Variants in TVP23B observed in about 807,000 individuals in gnomAD.
The protein encoded by TVP23B is Golgi apparatus membrane protein TVP23 homolog B.
TVP23B carries 10 observed loss-of-function variants against 30.6 expected under a neutral mutation model. The ratio of observed to expected loss-of-function variants is 0.33; its 90% confidence interval spans 0.20 to 0.55. The LOEUF (loss-of-function observed/expected upper bound fraction) is 0.55, where lower values mean the gene tolerates loss of function less well. Ranked by LOEUF, TVP23B falls within the 20% of genes least tolerant of loss-of-function variation. The pLI is 0.91. For missense variants in TVP23B, 153 were observed against 243.2 expected, an observed-to-expected ratio of 0.63 and a Z score of 2.47; for synonymous variants, 67 against 83.1, an observed-to-expected ratio of 0.81 and a Z score of 1.06.
chr17:18,789,190 C>T (rs1218533288), intron 1 of TVP23B, 163 bp from the exon 2 acceptor site: 17 of 1,077,750 alleles, frequency 1.6e-5, no homozygotes, highest in African/African-American at 6.4e-5. Context: ...TTTGAGGAGG[C>T]GGGTGGAGGA....
At chr17:18,784,972 A>T (rs184949439) in intron 1 of TVP23B, among the ~76,000 whole-genome samples, 1 of 152,194 alleles carries the variant, frequency 6.6e-6, no homozygotes, top group Non-Finnish European at 1.5e-5. Flanking sequence ...CAGTCAGTCC[A>T]TCAGCAAATC....
At position 18,805,596 on chromosome 17, in the gene TVP23B, T is replaced by C. The variant is rs1279678270; in HGVS notation, c.*29T>C. ...GAGAAAGCTTATGTGCTTTGTTACATTGGGGAACAACTGAAGAGATTCTTG... is the reference window on the plus strand; with the variant it reads ...GAGAAAGCTTATGTGCTTTGTTACACTGGGGAACAACTGAAGAGATTCTTG... On this transcript the variant is annotated 3_prime_UTR_variant, in exon 7 of 7. Coordinates refer to ENST00000307767, the MANE Select transcript of TVP23B (RefSeq NM_016078.6). 3 of 1,603,550 alleles carry C rather than the reference T, an allele frequency of 1.9e-6. No homozygotes were observed. Among genetic ancestry groups the C allele is most frequent in the East Asian group, 2.2e-5 (1 of 44,760 alleles).
intron 1 of TVP23B, among the ~76,000 whole-genome samples, chr17:18,785,326 T>C (rs1004744837): frequency 1.3e-5 from 2 of 152,266 alleles, no homozygotes; most frequent in East Asian, 3.9e-4. Flanking sequence ...CGAAATCTTT[T>C]GTGTCCGTGG....
At chr17:18,795,465 G>C (rs1266004168) in intron 3 of TVP23B, among the ~76,000 whole-genome samples, 6 of 152,016 alleles carry the variant, frequency 3.9e-5, no homozygotes, top group Non-Finnish European at 5.9e-5. Flanking sequence ...TAAATCCATA[G>C]ATTGTACTTT....
chr17:18,804,105 A>G (rs781494149), intron 5 of TVP23B, 33 bp from the exon 6 acceptor site: 2 of 1,611,684 alleles, frequency 1.2e-6, no homozygotes, highest in Non-Finnish European at 8.5e-7. Context: ...ATTTCAGGCC[A>G]GTAACCATTG....
At chr17:18,802,168 G>A (rs2036178155) in intron 5 of TVP23B, among the ~76,000 whole-genome samples, 1 of 152,152 alleles carries the variant, frequency 6.6e-6, no homozygotes, top group Non-Finnish European at 1.5e-5. Context: ...TTTGCAGTGA[G>A]CCAAGATCGT....
chr17:18,781,448 A>C, intron 1 of TVP23B, 143 bp downstream of exon 1: 1 of 1,437,430 alleles, frequency 7.0e-7, no homozygotes, highest in Non-Finnish European at 9.3e-7. Flanking sequence ...GGCTGTGGGT[A>C]GTTGTCTGAG....
chr17:18,793,443 TA>T (rs67506831), intron 3 of TVP23B, among the ~76,000 whole-genome samples: 32,498 of 100,230 alleles, frequency 0.32, 4,377 homozygotes, highest in East Asian at 0.55. Flanking sequence ...CCATCTCTGC[TA>T]AAAAAAAAAA....
At chr17:18,784,320 G>C (rs2035867111) in intron 1 of TVP23B, among the ~76,000 whole-genome samples, 4 of 152,078 alleles carry the variant, frequency 2.6e-5, no homozygotes. Flanking sequence ...TACTGGAACT[G>C]CTCTTACTGA....
chr17:18,793,468 AG>A (rs2036028221), intron 3 of TVP23B, among the ~76,000 whole-genome samples: 2 of 145,744 alleles, frequency 1.4e-5, no homozygotes, highest in Admixed American at 6.9e-5. Flanking sequence ...AAAAAAAATG[AG>A]CCGGGCGTGG....
At chr17:18,795,925 T>C (rs1272154823) in intron 3 of TVP23B, 2 of 151,396 alleles carry the variant, frequency 1.3e-5, no homozygotes, top group Non-Finnish European at 2.9e-5. Flanking sequence ...GGAAAAAATA[T>C]AGCATATATA....
At chr17:18,784,809 T>C (rs2035874688) in intron 1 of TVP23B, among the ~76,000 whole-genome samples, 1 of 152,202 alleles carries the variant, frequency 6.6e-6, no homozygotes, top group South Asian at 2.1e-4. Context: ...TACTTCTTTT[T>C]CAGTCCCCAC....
chr17:18,789,340 T>G lies in TVP23B; in HGVS notation c.13-13T>G. ...TTTTGTTTTGCTTCTTGACCATTTATTTTTCCTACCAGGATAGTAATGATG... is the reference window on the plus strand; with the variant it reads ...TTTTGTTTTGCTTCTTGACCATTTAGTTTTCCTACCAGGATAGTAATGATG... On this transcript the variant is annotated splice_polypyrimidine_tract_variant and intron_variant, in intron 1 of 6. Transcript: ENST00000307767. 6.2e-7 allele frequency: 1 copy of G among 1,613,998 alleles called. No individual in the cohort carries two copies. The highest frequency in any genetic ancestry group is 8.5e-7 in the Non-Finnish European group (1 of 1,179,854).
intron 5 of TVP23B, among the ~76,000 whole-genome samples, chr17:18,802,094 C>T (rs1356093429): frequency 6.6e-6 from 1 of 152,038 alleles, no homozygotes; most frequent in Non-Finnish European, 1.5e-5. Flanking sequence ...TGGTGGCAGG[C>T]ACCTGTAGTC....
At chr17:18,797,384 C>G (rs2036091962) in intron 3 of TVP23B, 195 bp from the exon 4 acceptor site, 2 of 879,774 alleles carry the variant, frequency 2.3e-6, no homozygotes, top group African/African-American at 3.4e-5. Flanking sequence ...GTCACCTCTA[C>G]CCCTATTAGT....
chr17:18,796,248 T>C (rs2036074260), intron 3 of TVP23B: 1 of 152,128 alleles, frequency 6.6e-6, no homozygotes, highest in Non-Finnish European at 1.5e-5. Context: ...GTGGTGAGCA[T>C]AAATAGTATT....
intron 1 of TVP23B, among the ~76,000 whole-genome samples, chr17:18,783,077 A>G (rs1412970282): frequency 4.1e-5 from 4 of 96,608 alleles, no homozygotes; most frequent in African/African-American, 1.5e-4. Flanking sequence ...TGTTCCCACT[A>G]TTTATTTATT....
intron 3 of TVP23B, among the ~76,000 whole-genome samples, chr17:18,795,016 C>CTTTT (rs781620472): frequency 6.5e-5 from 3 of 46,254 alleles, no homozygotes; most frequent in Admixed American, 3.7e-4. Context: ...CATCTCAAAT[C>CTTTT]TTTTTTTTTT....
At chr17:18,781,594 C>A (rs1202764266) in intron 1 of TVP23B, 2 of 442,934 alleles carry the variant, frequency 4.5e-6, no homozygotes, top group Admixed American at 8.1e-5. Flanking sequence ...ACCCTTATTG[C>A]CGGGGTGGAG....
Sources: gnomAD v4.1 joint callset for allele counts (sites outside exome capture counted in the v4.1 genomes callset) on GRCh38, gnomAD v4.1.1 for gene constraint, MANE v1.5 for transcripts, NCBI Gene and HGNC (gene_info 2026-07-23, HGNC 2026-07-21) for gene names.